Variants in THSD7A observed in about 807,000 individuals in gnomAD.
THSD7A encodes thrombospondin type 1 domain containing 7A.
THSD7A carries 96 observed loss-of-function variants against 231.3 expected under a neutral mutation model. The observed-to-expected ratio is 0.41, with a 90% CI of 0.35 to 0.49. THSD7A has a LOEUF of 0.49. THSD7A is among the 20% of genes least tolerant of loss of function. The pLI, the probability that THSD7A is intolerant of heterozygous loss-of-function variation, is 0.05. For synonymous variants in THSD7A, 940 were observed against 743.3 expected, an observed-to-expected ratio of 1.26 and a Z score of -4.30; for missense variants, 2,290 against 2,070.2, an observed-to-expected ratio of 1.11 and a Z score of -2.06.
chr7:11,580,371 G>C (rs977493125), intron 4 of THSD7A, among the ~76,000 whole-genome samples: 3 of 152,054 alleles, frequency 2.0e-5, no homozygotes, highest in South Asian at 2.1e-4. Flanking sequence ...GCACTCTCAG[G>C]GATTAGACAG....
At chr7:11,393,364 G>T (rs913122870) in intron 23 of THSD7A, among the ~76,000 whole-genome samples, 2 of 152,114 alleles carry the variant, frequency 1.3e-5, no homozygotes, top group African/African-American at 2.4e-5. Context: ...CGAACTGAAG[G>T]TAACCAACAT....
At chr7:11,628,002 G>T (rs1239402707) in intron 2 of THSD7A, among the ~76,000 whole-genome samples, 2 of 151,866 alleles carry the variant, frequency 1.3e-5, no homozygotes, top group East Asian at 1.9e-4. Flanking sequence ...CCTAGCTAAA[G>T]ATAACATAAA....
At chr7:11,420,505 G>C (rs532461633) in intron 16 of THSD7A, among the ~76,000 whole-genome samples, 1 of 152,224 alleles carries the variant, frequency 6.6e-6, no homozygotes, top group Non-Finnish European at 1.5e-5. Flanking sequence ...GCCTCCACCC[G>C]GATTTCAGAG....
intron 6 of THSD7A, among the ~76,000 whole-genome samples, chr7:11,515,928 CA>C (rs1788013907): frequency 1.3e-5 from 2 of 152,038 alleles, no homozygotes; most frequent in Admixed American, 1.3e-4. Flanking sequence ...AAAAGCCTGT[CA>C]AAATATTTCA....
intron 9 of THSD7A, among the ~76,000 whole-genome samples, chr7:11,467,010 T>A (rs539261436): frequency 1.3e-5 from 2 of 152,154 alleles, no homozygotes; most frequent in Non-Finnish European, 2.9e-5. Context: ...ATAACACGAT[T>A]CAGTTTTTCA....
intron 24 of THSD7A, 75 bp from the exon 25 acceptor site, chr7:11,379,787 G>A: frequency 6.9e-7 from 1 of 1,447,232 alleles, no homozygotes; most frequent in Non-Finnish European, 9.5e-7. Context: ...TTAGTGACTT[G>A]TCTTTGAATC....
intron 1 of THSD7A, among the ~76,000 whole-genome samples, chr7:11,668,901 T>A (rs1033604076): frequency 6.6e-6 from 1 of 152,198 alleles, no homozygotes; most frequent in African/African-American, 2.4e-5. Flanking sequence ...TTCCACACTC[T>A]ACTGAATTCT....
rs1192583922 is a variant in THSD7A at position 11,636,840 on chromosome 7, T to C, written c.312A>G (p.Arg104=). 4 of 1,613,888 alleles carry C rather than the reference T, an allele frequency of 2.5e-6. No homozygotes were observed. Among genetic ancestry groups the C allele is most frequent in the Non-Finnish European group, 3.4e-6 (4 of 1,179,882 alleles). ...TGAAACAATTCTGCTGGTTATTGGG[T>C]CTCTCGGCCTGCTTACAGTTAGTAT... ...TLHTNCKQAE[R]PNNQQNCFKV... The change falls in exon 2 of 28, where the codon AGA becomes AGG. Residue 104 remains arginine, a synonymous_variant. Coordinates refer to ENST00000423059, the MANE Select transcript of THSD7A (RefSeq NM_015204.3). The surrounding 1 kb of genome is among the most constrained non-coding windows in gnomAD (Gnocchi z 10.0).
intron 4 of THSD7A, among the ~76,000 whole-genome samples, chr7:11,555,098 T>C (rs1180080273): frequency 6.6e-6 from 1 of 151,926 alleles, no homozygotes; most frequent in Non-Finnish European, 1.5e-5. Context: ...CATTGATTTC[T>C]GTTCTTATGT....
intron 1 of THSD7A, among the ~76,000 whole-genome samples, chr7:11,775,771 C>T (rs1783386174): frequency 6.6e-6 from 1 of 151,924 alleles, no homozygotes; most frequent in Admixed American, 6.6e-5. Context: ...TGTTGCACAA[C>T]AATGTTAATG....
chr7:11,643,759 T>A (rs1422384288), intron 1 of THSD7A, among the ~76,000 whole-genome samples: 1 of 152,024 alleles, frequency 6.6e-6, no homozygotes, highest in Non-Finnish European at 1.5e-5. Context: ...TCGCTGGATG[T>A]TTAGGTCTTT....
intron 23 of THSD7A, among the ~76,000 whole-genome samples, chr7:11,397,196 G>A (rs1019173053): frequency 7.2e-5 from 11 of 152,076 alleles, no homozygotes; most frequent in Non-Finnish European, 1.5e-4. Context: ...AAAACAGCAC[G>A]GTACTGGTAG....
chr7:11,680,570 T>C (rs1362209948), intron 1 of THSD7A, among the ~76,000 whole-genome samples: 5 of 152,108 alleles, frequency 3.3e-5, no homozygotes, highest in African/African-American at 1.2e-4. Context: ...CAAAAGAAGA[T>C]ATTTATGTGG....
At chr7:11,789,691 G>A (rs917275507) in intron 1 of THSD7A, among the ~76,000 whole-genome samples, 4 of 151,736 alleles carry the variant, frequency 2.6e-5, no homozygotes, top group African/African-American at 9.7e-5. Flanking sequence ...TACTCATCTT[G>A]CATAACTGAA....
At chr7:11,527,298 T>G (rs1262978298) in intron 6 of THSD7A, among the ~76,000 whole-genome samples, 2 of 152,156 alleles carry the variant, frequency 1.3e-5, no homozygotes, top group Non-Finnish European at 2.9e-5. Context: ...TCTCAGCAGC[T>G]ATGATTTCTA....
chr7:11,428,010 G>C (rs952110836), intron 14 of THSD7A, among the ~76,000 whole-genome samples: 2 of 151,996 alleles, frequency 1.3e-5, no homozygotes, highest in African/African-American at 4.8e-5. Flanking sequence ...TTAATTCCAA[G>C]GTTCTTTCTG....
intron 6 of THSD7A, among the ~76,000 whole-genome samples, chr7:11,485,442 G>T (rs1229841013): frequency 6.6e-6 from 1 of 152,118 alleles, no homozygotes; most frequent in South Asian, 2.1e-4. Context: ...ATGAATAGTT[G>T]CTGAATGCCC....
intron 1 of THSD7A, among the ~76,000 whole-genome samples, chr7:11,790,572 T>C (rs938918110): frequency 1.3e-5 from 2 of 151,984 alleles, no homozygotes; most frequent in African/African-American, 4.8e-5. Flanking sequence ...GTTAAAAAGA[T>C]GAGATGTTTT....
chr7:11,388,620 G>T (rs766174262), intron 23 of THSD7A, among the ~76,000 whole-genome samples: 1 of 151,958 alleles, frequency 6.6e-6, no homozygotes, highest in Non-Finnish European at 1.5e-5. Flanking sequence ...TATCTATTTT[G>T]TTGATCTTTT....
Sources: allele counts gnomAD v4.1 joint callset (sites outside exome capture counted in the v4.1 genomes callset), GRCh38; gene constraint gnomAD v4.1.1; non-coding constraint Gnocchi (gnomAD v3.1); transcripts MANE v1.5; gene names NCBI Gene and HGNC (gene_info 2026-07-23, HGNC 2026-07-21).